Variants in PPM1E observed in about 807,000 individuals in gnomAD.
The protein encoded by PPM1E is protein phosphatase, Mg2+/Mn2+ dependent 1E.
A neutral mutation model predicts 65.9 loss-of-function variants in PPM1E; 20 were observed. The ratio of observed to expected loss-of-function variants is 0.30; its 90% CI spans 0.21 to 0.44. PPM1E has a LOEUF of 0.44. Among genes scored for constraint, PPM1E ranks in the 20% least tolerant of loss-of-function variants. PPM1E has a pLI of 1.00. For synonymous variants in PPM1E, 352 were observed against 374.9 expected (o/e 0.94, Z 0.70); for missense variants, 713 against 953.1 (o/e 0.75, Z 3.32).
rs185279275 is a variant in PPM1E at position 58,801,228 on chromosome 17, G to T, written c.464+44767G>T. The stretch of plus-strand genomic sequence containing the variant: ...TATACGTTTTCATTGATATTGTTAA[G>T]TGAGAGGAGAGTGTTGAAATCTCCA... On this transcript the variant is annotated intron_variant, in intron 1 of 6. Transcript: ENST00000308249. Among the ~76,000 whole-genome samples, 686 of 152,202 alleles carry T rather than the reference G, an allele frequency of 4.5e-3. 3 individuals carry two copies. The highest frequency in any genetic ancestry group is 0.016 in the African/African-American group (650 of 41,526).
At chr17:58,777,068 C>CA (rs2050001075) in intron 1 of PPM1E, among the ~76,000 whole-genome samples, 1 of 151,782 alleles carries the variant, frequency 6.6e-6, no homozygotes, top group Admixed American at 6.6e-5. Flanking sequence ...CCCGGCTTTA[C>CA]AAAAAAAATT....
chr17:58,806,158 A>C (rs1037932903), intron 1 of PPM1E, among the ~76,000 whole-genome samples: 2 of 152,028 alleles, frequency 1.3e-5, no homozygotes, highest in African/African-American at 2.4e-5. Flanking sequence ...CAAATAAGCA[A>C]ACAAACATCT....
chr17:58,980,312 G>A lies in PPM1E; in HGVS notation c.1549G>A (p.Asp517Asn). The A allele has an allele frequency of 3.1e-6, 5 of 1,614,146 alleles. No individual in the cohort carries two copies. The highest frequency in any genetic ancestry group is 4.2e-6 in the Non-Finnish European group (5 of 1,180,034). ...SFQGGQEDGGDDKENHGECKR... is the reference protein window; with the variant it reads ...SFQGGQEDGGNDKENHGECKR... The stretch of plus-strand genomic sequence containing the variant: ...TCAAGGAGGGCAAGAAGATGGTGGG[G>A]ATGATAAGGAGAATCATGGAGAGTG... Residue 517 changes from aspartate to asparagine, a missense_variant, in exon 7 of 7, where the codon GAT becomes AAT. Coordinates refer to ENST00000308249, the MANE Select transcript of PPM1E (RefSeq NM_014906.5). This position sits in a 1 kb window ranked among gnomAD's most constrained non-coding sequence, Gnocchi z 4.7.
chr17:58,841,427 C>T (rs2050716304), intron 1 of PPM1E, among the ~76,000 whole-genome samples: 1 of 152,074 alleles, frequency 6.6e-6, no homozygotes, highest in African/African-American at 2.4e-5. Flanking sequence ...ATCATATATA[C>T]CCTCAATATG....
chr17:58,874,693 A>C (rs993319900), intron 1 of PPM1E, among the ~76,000 whole-genome samples: 32 of 152,138 alleles, frequency 2.1e-4, no homozygotes, highest in Non-Finnish European at 4.7e-4. Context: ...AGAAAGATTG[A>C]GCATTTTCTC....
chr17:58,821,796 G>T (rs898539150), intron 1 of PPM1E, among the ~76,000 whole-genome samples: 3 of 152,164 alleles, frequency 2.0e-5, no homozygotes, highest in African/African-American at 7.2e-5. Context: ...GAACTCCATT[G>T]TTATTTGGTA....
At chr17:58,964,687 G>C (rs2030157107) in intron 2 of PPM1E, among the ~76,000 whole-genome samples, 1 of 152,148 alleles carries the variant, frequency 6.6e-6, no homozygotes, top group East Asian at 1.9e-4. Flanking sequence ...TAACTCATTT[G>C]CTAACCTATT....
chr17:58,854,090 C>A (rs1263541055), intron 1 of PPM1E, among the ~76,000 whole-genome samples: 1 of 152,008 alleles, frequency 6.6e-6, no homozygotes, highest in Non-Finnish European at 1.5e-5. Flanking sequence ...TCTTTAATTT[C>A]TTTCAAAAAT....
intron 6 of PPM1E, among the ~76,000 whole-genome samples, chr17:58,978,819 C>T (rs1479178385): frequency 2.6e-5 from 4 of 152,222 alleles, no homozygotes; most frequent in Non-Finnish European, 1.5e-5. Flanking sequence ...GGAATGTAAT[C>T]AATGTAAACA....
chr17:58,837,262 A>T (rs1439282714), intron 1 of PPM1E, among the ~76,000 whole-genome samples: 4 of 69,802 alleles, frequency 5.7e-5, no homozygotes, highest in Non-Finnish European at 1.1e-4. Flanking sequence ...AAAAAAATTA[A>T]AAAAAAAAAA....
chr17:58,963,095 A>G (rs957503586), intron 2 of PPM1E, among the ~76,000 whole-genome samples: 1 of 150,676 alleles, frequency 6.6e-6, no homozygotes, highest in African/African-American at 2.4e-5. Context: ...TTATTTAAAG[A>G]AAAAAAAAGC....
chr17:58,856,196 T>C (rs1444667411), intron 1 of PPM1E, among the ~76,000 whole-genome samples: 1 of 152,174 alleles, frequency 6.6e-6, no homozygotes, highest in East Asian at 1.9e-4. Context: ...AAAATATTAA[T>C]CTTGAGTTCT....
At chr17:58,851,079 C>T (rs186385634) in intron 1 of PPM1E, among the ~76,000 whole-genome samples, 2 of 152,288 alleles carry the variant, frequency 1.3e-5, no homozygotes, top group African/African-American at 2.4e-5. Context: ...GCTACCGAAG[C>T]TTGTGCATGC....
chr17:58,827,901 C>CAAAAAAAAAA (rs59217561), intron 1 of PPM1E, among the ~76,000 whole-genome samples: 1 of 113,258 alleles, frequency 8.8e-6, no homozygotes, highest in African/African-American at 3.5e-5. Context: ...GACTCCATCT[C>CAAAAAAAAAA]AAAAAAAAAA....
intron 1 of PPM1E, among the ~76,000 whole-genome samples, chr17:58,823,689 T>C (rs988741297): frequency 6.6e-6 from 1 of 152,092 alleles, no homozygotes; most frequent in Non-Finnish European, 1.5e-5. Context: ...AAATTAAGCA[T>C]TGATTAGATT....
In PPM1E at chr17:58,980,248, A is replaced by C. The variant is rs1020652088; in HGVS notation, c.1485A>C (p.Val495=). ...TCCTGAGGGACATGAACAAAGCTGT[A>C]AATGTTAGTGAGGAATCAGATTGGA... The part of the protein sequence containing the change: ...VVFLRDMNKA[V]NVSEESDWTE... The change falls in exon 7 of 7, where the codon GTA becomes GTC. Residue 495 remains valine (V), a synonymous_variant. Transcript: ENST00000308249. This position sits in a 1 kb window ranked among gnomAD's most constrained non-coding sequence, Gnocchi z 4.7. 1 of 1,614,196 alleles carries C rather than the reference A, an allele frequency of 6.2e-7. No individual in the cohort carries two copies.
At chr17:58,778,850 A>G (rs1486219947) in intron 1 of PPM1E, among the ~76,000 whole-genome samples, 4 of 150,496 alleles carry the variant, frequency 2.7e-5, no homozygotes, top group African/African-American at 7.3e-5. Context: ...TTGCCACTCC[A>G]AAGAGCCATC....
rs1475571459 is a variant in PPM1E, at chr17:58,908,541, G to A, written c.465-47108G>A. Among the ~76,000 whole-genome samples the A allele has an allele frequency of 2.0e-5, 3 of 151,980 alleles. No homozygotes were observed. In the East Asian group the frequency reaches 5.8e-4, roughly 29 times the overall value. On this transcript the variant is annotated intron_variant, in intron 1 of 6. Transcript: ENST00000308249. ...TGCAAACTCTGTGTCCTGGGTTCAA[G>A]CAATTCTCCTGCCTCAGCCTTCTGA...
intron 1 of PPM1E, among the ~76,000 whole-genome samples, chr17:58,935,582 T>C (rs147262371): frequency 7.9e-5 from 12 of 152,328 alleles, no homozygotes; most frequent in African/African-American, 2.9e-4. Flanking sequence ...ATCTAATTTC[T>C]TCTCGTCATG....
Sources: gnomAD v4.1 joint callset for allele counts (sites outside exome capture counted in the v4.1 genomes callset) on GRCh38, gnomAD v4.1.1 for gene constraint, Gnocchi (gnomAD v3.1) non-coding constraint, MANE v1.5 for transcripts, NCBI Gene and HGNC (gene_info 2026-07-23, HGNC 2026-07-21) for gene names.